MTF2: variants seen among roughly 807,000 people sequenced by gnomAD.
The protein encoded by MTF2 is metal-response element-binding transcription factor 2.
A neutral mutation model predicts 79.5 loss-of-function variants in MTF2; 11 were observed. The ratio of observed to expected loss-of-function variants is 0.14; its 90% CI spans 0.09 to 0.23. The LOEUF is 0.23. Ranked by LOEUF, MTF2 falls within the 10% of genes least tolerant of loss-of-function variation. MTF2 has a pLI of 1.00. For missense variants in MTF2, 486 were observed against 711.2 expected, an observed-to-expected ratio of 0.68 and a Z score of 3.60; for synonymous variants, 208 against 232.8, an observed-to-expected ratio of 0.89 and a Z score of 0.97.
At chr1:93,109,486 A>T (rs1336890145) in intron 1 of MTF2, among the ~76,000 whole-genome samples, 1 of 152,032 alleles carries the variant, frequency 6.6e-6, no homozygotes, top group Non-Finnish European at 1.5e-5. Context: ...GGTGTGTACC[A>T]CCACGCCCGG....
chr1:93,110,243 G>T lies in MTF2; in HGVS notation c.19G>T (p.Ala7Ser). 1 of 1,614,044 alleles carries T rather than the reference G, an allele frequency of 6.2e-7. No homozygotes were observed. The highest frequency in any genetic ancestry group is 8.5e-7 in the Non-Finnish European group (1 of 1,179,970). Reference sequence around the variant, plus strand: ...TTCTCTAAACAGAGACTCTACAGGGGCAGGTAATTCACTGGTCCACAAGCG... The same window carrying T: ...TTCTCTAAACAGAGACTCTACAGGGTCAGGTAATTCACTGGTCCACAAGCG... MRDSTG[A>S]GNSLVHKRSP... Residue 7 changes from alanine (A) to serine (S), a missense_variant, in exon 2 of 15, where the codon GCA becomes TCA. Physicochemically the swap from Ala to Ser is moderately conservative, Grantham distance 99. Transcript: ENST00000370298.
intron 1 of MTF2, among the ~76,000 whole-genome samples, chr1:93,091,148 C>G (rs942369683): frequency 2.6e-5 from 4 of 152,148 alleles, no homozygotes; most frequent in Non-Finnish European, 5.9e-5. Flanking sequence ...GAAGTCAGTG[C>G]TCGTATGTGA....
intron 1 of MTF2, among the ~76,000 whole-genome samples, chr1:93,085,181 TTTTC>T (rs1422484935): frequency 7.9e-5 from 12 of 151,890 alleles, no homozygotes; most frequent in African/African-American, 1.9e-4. Flanking sequence ...ACCTTTTTTC[TTTTC>T]TTTCTTTCTT....
intron 1 of MTF2, among the ~76,000 whole-genome samples, chr1:93,087,051 G>A (rs1464684737): frequency 1.3e-5 from 2 of 152,126 alleles, no homozygotes; most frequent in African/African-American, 2.4e-5. Flanking sequence ...AAACTGTGTT[G>A]TGCCACCTGC....
At chr1:93,120,816 G>C in intron 9 of MTF2, 144 bp downstream of exon 9, 1 of 1,403,714 alleles carries the variant, frequency 7.1e-7, no homozygotes, top group Non-Finnish European at 9.2e-7. Flanking sequence ...AATAAGTTTG[G>C]TATGGATATC....
chr1:93,098,276 G>A (rs1228834466), intron 1 of MTF2, among the ~76,000 whole-genome samples: 2 of 152,168 alleles, frequency 1.3e-5, no homozygotes, highest in Non-Finnish European at 2.9e-5. Context: ...AAGTCTTGAT[G>A]AAGTTTTGTC....
chr1:93,091,805 CTTGAG>C (rs1168000437), intron 1 of MTF2, among the ~76,000 whole-genome samples: 3 of 152,136 alleles, frequency 2.0e-5, no homozygotes, highest in Non-Finnish European at 2.9e-5. Flanking sequence ...GGTTTATGGA[CTTGAG>C]TTGAGAACCA....
Position 93,101,568 on chromosome 1 carries a change from G to GTTTTTTTTTTTTTTTTTTTTTTT in MTF2, c.6-8655_6-8633dup, listed in dbSNP as rs71586778. Among the ~76,000 whole-genome samples, 6 of 25,406 alleles carry GTTTTTTTTTTTTTTTTTTTTTTT rather than the reference G, an allele frequency of 2.4e-4. 2 individuals carry two copies. Among genetic ancestry groups the GTTTTTTTTTTTTTTTTTTTTTTT allele is most frequent in the Non-Finnish European group, 3.3e-4 (5 of 15,122 alleles). 16.7% of individuals were successfully genotyped at this position (25,406 alleles called of 152,430 possible). On this transcript the variant is annotated intron_variant, in intron 1 of 14. Coordinates refer to ENST00000370298, the MANE Select transcript of MTF2 (RefSeq NM_007358.4). ...TGGTCTTGCCATGTTGCTCAGGCTGGTTTTTTTTTTTTTTTTTTTTTTTTT... is the reference window on the plus strand; with the variant it reads ...TGGTCTTGCCATGTTGCTCAGGCTGGTTTTTTTTTTTTTTTTTTTTTTTTTTTTTTTTTTTTTTTTTTTTTTTT...
intron 1 of MTF2, among the ~76,000 whole-genome samples, chr1:93,081,985 G>A (rs1168072584): frequency 1.3e-5 from 2 of 152,088 alleles, no homozygotes; most frequent in African/African-American, 4.8e-5. Context: ...GATTCTTTTT[G>A]TACATTTAAG....
chr1:93,130,112 T>C (rs1254609395), intron 11 of MTF2, among the ~76,000 whole-genome samples: 1 of 152,160 alleles, frequency 6.6e-6, no homozygotes, highest in African/African-American at 2.4e-5. Context: ...TTGAAACATA[T>C]TCTAAGAACT....
At chr1:93,120,893 A>T (rs1274247293) in intron 9 of MTF2, 5 of 1,228,094 alleles carry the variant, frequency 4.1e-6, no homozygotes, top group Non-Finnish European at 5.1e-6. Context: ...TAGAAGGAGG[A>T]GGTATATTAT....
In MTF2 at chr1:93,097,416, C is replaced by T. The variant is rs992147149; in HGVS notation, c.6-12814C>T. 5.9e-5 allele frequency among the ~76,000 whole-genome samples: 9 copies of T among 152,050 alleles called. No homozygotes were observed. The South Asian group carries it at 8.3e-4, about 14-fold the overall frequency. On this transcript the variant is annotated intron_variant, in intron 1 of 14. Coordinates refer to ENST00000370298, the MANE Select transcript of MTF2 (RefSeq NM_007358.4). ...TGAATTTCTCCTTTGCTCTCAATAC[C>T]ACATAAAGTTAATTCTTAATGTCTG...
rs375713787 is a variant in MTF2 at position 93,133,753 on chromosome 1, G to A, written c.1211G>A (p.Arg404His). 6.8e-6 allele frequency: 11 copies of A among 1,612,126 alleles called. No individual in the cohort carries two copies. The highest frequency in any genetic ancestry group is 3.3e-5 in the South Asian group (3 of 90,862). Residue 404 changes from arginine to histidine, a missense_variant, in exon 12 of 15, where the codon CGT (arginine) becomes CAT (histidine). Coordinates refer to ENST00000370298, the MANE Select transcript of MTF2 (RefSeq NM_007358.4). ...EKKGKKKSVG[R>H]PPGPYTRKMI... ...AAAGGAAAGAAAAAATCTGTAGGTC[G>A]TCCACCTGGCCCATATACAAGAAAA... is the stretch of plus-strand genomic sequence containing the variant.
intron 3 of MTF2, among the ~76,000 whole-genome samples, chr1:93,113,105 C>T (rs895168611): frequency 1.3e-5 from 2 of 151,896 alleles, no homozygotes; most frequent in South Asian, 2.1e-4. Context: ...AACAGCTGGG[C>T]GCAGTGCCTT....
rs117606589 is a variant in MTF2, at chr1:93,086,994, G to A, written c.5+7463G>A. ...AAATTCATTTATGTTTCATACACAC[G>A]TTGTATGCTTAGTCTAAAGCTTATT... On this transcript the variant is annotated intron_variant, in intron 1 of 14. Transcript: ENST00000370298. Among the ~76,000 whole-genome samples, 404 of 152,238 alleles carry A rather than the reference G, an allele frequency of 2.7e-3. 1 individual carries two copies. The highest frequency in any genetic ancestry group is 6.4e-3 in the South Asian group (31 of 4,828).
At chr1:93,129,147 G>A in intron 10 of MTF2, 131 bp from the exon 11 acceptor site, 3 of 531,126 alleles carry the variant, frequency 5.6e-6, no homozygotes, top group Non-Finnish European at 9.3e-6. Context: ...AGGAAAGCAA[G>A]GGGAAGTGAA....
At chr1:93,113,788 TATA>T (rs1215353425) in intron 3 of MTF2, among the ~76,000 whole-genome samples, 1 of 152,212 alleles carries the variant, frequency 6.6e-6, no homozygotes, top group Non-Finnish European at 1.5e-5. Flanking sequence ...AGTTCTTCTC[TATA>T]AATAGTATAT....
chr1:93,110,013 C>T (rs548489633), intron 1 of MTF2, among the ~76,000 whole-genome samples: 7 of 152,296 alleles, frequency 4.6e-5, no homozygotes, highest in African/African-American at 1.7e-4. Context: ...GAGTCTTGGC[C>T]TCACTTAGAG....
intron 1 of MTF2, among the ~76,000 whole-genome samples, chr1:93,096,741 T>C (rs1287754176): frequency 6.6e-6 from 1 of 152,080 alleles, no homozygotes; most frequent in East Asian, 1.9e-4. Context: ...CAAATACTTA[T>C]TTCTGTTATG....
Sources: gnomAD v4.1 joint callset for allele counts (sites outside exome capture counted in the v4.1 genomes callset) on GRCh38, gnomAD v4.1.1 for gene constraint, MANE v1.5 for transcripts, NCBI Gene and HGNC (gene_info 2026-07-23, HGNC 2026-07-21) for gene names.